Variants in AKT3 observed in about 807,000 individuals in gnomAD.
AKT3 encodes the protein RAC-gamma serine/threonine-protein kinase.
A neutral mutation model predicts 65.3 loss-of-function variants in AKT3; 15 were observed. That is an observed-to-expected ratio of 0.23 (90% CI 0.15 to 0.35). AKT3 has a LOEUF of 0.35. AKT3 is among the 10% of genes least tolerant of loss of function. The pLI is 1.00. For missense variants in AKT3, 243 were observed against 576.5 expected, an observed-to-expected ratio of 0.42 and a Z score of 5.92; for synonymous variants, 206 against 183.8, an observed-to-expected ratio of 1.12 and a Z score of -0.98.
intron 8 of AKT3, among the ~76,000 whole-genome samples, chr1:243,610,497 C>T (rs977894510): frequency 6.6e-6 from 1 of 152,182 alleles, no homozygotes; most frequent in African/African-American, 2.4e-5. Flanking sequence ...AAAAGAGAGA[C>T]ATTTAATAGT....
intron 2 of AKT3, among the ~76,000 whole-genome samples, chr1:243,842,268 A>G (rs1297492870): frequency 1.3e-5 from 2 of 152,222 alleles, no homozygotes; most frequent in Non-Finnish European, 2.9e-5. Flanking sequence ...ATTAAAATCA[A>G]TATTAGGAGG....
chr1:243,526,580 C>G (rs558898772), intron 12 of AKT3, among the ~76,000 whole-genome samples: 16 of 151,972 alleles, frequency 1.1e-4, no homozygotes, highest in Admixed American at 3.9e-4. Context: ...AGCCATCACA[C>G]AAACAAAAAT....
intron 2 of AKT3, among the ~76,000 whole-genome samples, chr1:243,733,581 G>A (rs1277353703): frequency 6.6e-6 from 1 of 152,136 alleles, no homozygotes; most frequent in Non-Finnish European, 1.5e-5. Context: ...AACATATGTA[G>A]TGACCAAATC....
Position 243,562,347 on chromosome 1 carries a change from G to T in AKT3, c.948+1373C>A, listed in dbSNP as rs182697712. Among the ~76,000 whole-genome samples, 548 of 152,222 alleles carry T rather than the reference G, an allele frequency of 3.6e-3. 4 individuals are homozygous for T. Among genetic ancestry groups the T allele is most frequent in the Non-Finnish European group, 5.0e-3 (338 of 67,990 alleles). Reference sequence around the variant, plus strand: ...GGAAGAATGAGGAGCTAACGGGTATGGGGTTTCTTGCTGGAGTGATGAAAA... The same window carrying T: ...GGAAGAATGAGGAGCTAACGGGTATTGGGTTTCTTGCTGGAGTGATGAAAA... On this transcript the variant is annotated intron_variant, in intron 10 of 13. Transcript: ENST00000673466.
intron 5 of AKT3, among the ~76,000 whole-genome samples, chr1:243,644,211 A>C (rs1353281097): frequency 6.6e-6 from 1 of 152,212 alleles, no homozygotes; most frequent in Non-Finnish European, 1.5e-5. Context: ...TATTAGAAAC[A>C]AAATTATGCA....
intron 6 of AKT3, among the ~76,000 whole-genome samples, chr1:243,620,507 A>G (rs1022983400): frequency 3.0e-4 from 13 of 43,890 alleles, no homozygotes; most frequent in African/African-American, 4.7e-4. Flanking sequence ...AACAAGCCAT[A>G]TGTTAGCAAT....
intron 4 of AKT3, among the ~76,000 whole-genome samples, chr1:243,646,623 G>A (rs1680838208): frequency 6.6e-6 from 1 of 152,012 alleles, no homozygotes; most frequent in South Asian, 2.1e-4. Context: ...CCAAAGTGCT[G>A]GGATTACAGC....
chr1:243,633,168 G>T (rs1679733409), intron 6 of AKT3, among the ~76,000 whole-genome samples: 1 of 152,132 alleles, frequency 6.6e-6, no homozygotes, highest in Non-Finnish European at 1.5e-5. Context: ...CAAAAAATGA[G>T]GGAGGTATCA....
intron 5 of AKT3, among the ~76,000 whole-genome samples, chr1:243,643,622 A>G (rs531300484): frequency 6.6e-6 from 1 of 152,218 alleles, no homozygotes; most frequent in East Asian, 1.9e-4. Flanking sequence ...TTCCTTTCCA[A>G]TTGAGTTTTT....
intron 12 of AKT3, among the ~76,000 whole-genome samples, chr1:243,526,252 A>G (rs542702513): frequency 6.6e-6 from 1 of 152,298 alleles, no homozygotes; most frequent in South Asian, 2.1e-4. Flanking sequence ...CCAGGAGGAT[A>G]GACTGAAACC....
At chr1:243,841,430 T>C (rs1695233516) in intron 2 of AKT3, among the ~76,000 whole-genome samples, 1 of 151,536 alleles carries the variant, frequency 6.6e-6, no homozygotes. Flanking sequence ...TGATTTGCCA[T>C]CCCCCTCCAA....
At chr1:243,685,971 A>G (rs181595205) in intron 3 of AKT3, among the ~76,000 whole-genome samples, 37 of 152,336 alleles carry the variant, frequency 2.4e-4, no homozygotes, top group African/African-American at 6.7e-4. Context: ...ACAGACAAAC[A>G]GAGAGCCAAA....
At position 243,745,131 on chromosome 1, in the gene AKT3, G is replaced by T. The variant is rs147691599; in HGVS notation, c.47-49415C>A. ...AGGCAAGAGGATCACTTGAGCCCAGGAGTTCAAGACCAGCCTGGGCAATAT... is the reference window on the plus strand; with the variant it reads ...AGGCAAGAGGATCACTTGAGCCCAGTAGTTCAAGACCAGCCTGGGCAATAT... On this transcript the variant is annotated intron_variant, in intron 2 of 13. Coordinates refer to ENST00000673466, the MANE Select transcript of AKT3 (RefSeq NM_005465.7). Among the ~76,000 whole-genome samples the T allele has an allele frequency of 5.8e-3, 875 of 152,160 alleles. 7 individuals carry two copies. Among genetic ancestry groups the T allele is most frequent in the African/African-American group, 0.02 (821 of 41,496 alleles).
At chr1:243,691,438 C>T (rs759635164) in intron 3 of AKT3, among the ~76,000 whole-genome samples, 23 of 151,970 alleles carry the variant, frequency 1.5e-4, no homozygotes, top group Admixed American at 2.6e-4. Context: ...CTTTGATACC[C>T]GCGTGAAGAA....
intron 2 of AKT3, among the ~76,000 whole-genome samples, chr1:243,778,390 A>T (rs1336371633): frequency 1.3e-5 from 2 of 152,226 alleles, no homozygotes; most frequent in African/African-American, 2.4e-5. Flanking sequence ...TTCCCAGAGA[A>T]GATGACACAA....
At chr1:243,651,257 T>C (rs1306978097) in intron 4 of AKT3, among the ~76,000 whole-genome samples, 1 of 152,224 alleles carries the variant, frequency 6.6e-6, no homozygotes, top group East Asian at 1.9e-4. Context: ...TCCTGAGACT[T>C]TGCCGAAGTT....
rs1182123599 is a variant in AKT3 at position 243,502,244 on chromosome 1, C to CA, written c.*3004dup. ...GTTGAGGTGTAATAGAGAGACCCTG[C>CA]AGTTAGTAAGGAAGGCCCTTACTTT... On this transcript the variant is annotated 3_prime_UTR_variant, in exon 14 of 14. Transcript: ENST00000673466. The CA allele has an allele frequency of 4.3e-6, 1 of 232,512 alleles. No homozygotes were observed. The highest frequency in any genetic ancestry group is 8.5e-6 in the Non-Finnish European group (1 of 117,664). 14.4% of individuals were successfully genotyped at this position (232,512 alleles called of 1,614,324 possible).
chr1:243,554,194 A>G (rs1392636334), intron 10 of AKT3, among the ~76,000 whole-genome samples: 2 of 152,208 alleles, frequency 1.3e-5, no homozygotes, highest in Non-Finnish European at 2.9e-5. Context: ...GGGTATTTAA[A>G]GACAAAGGAT....
chr1:243,502,914 G>T lies in AKT3; in HGVS notation c.*2335C>A, dbSNP rs1408905699. The T allele has an allele frequency of 4.3e-6, 1 of 233,176 alleles. No homozygotes were observed. 14.4% of individuals were successfully genotyped at this position (233,176 alleles called of 1,614,324 possible). A position where few individuals can be genotyped will look rare whatever the true frequency, so the allele number is the denominator to read the frequency against. On this transcript the variant is annotated 3_prime_UTR_variant, in exon 14 of 14. Transcript: ENST00000673466. ...GAAAAAACCAAAACAACAAAAAGCT[G>T]TGTGCTTAGTGTTCGGTGTCATGCT...
Sources: gnomAD v4.1 joint callset for allele counts (sites outside exome capture counted in the v4.1 genomes callset) on GRCh38, gnomAD v4.1.1 for gene constraint, MANE v1.5 for transcripts, NCBI Gene and HGNC (gene_info 2026-07-23, HGNC 2026-07-21) for gene names.